Variants in THUMPD2 observed in about 807,000 individuals in gnomAD.
THUMPD2 encodes the protein THUMP domain 2 tRNA and snRNA guanosine methyltransferase.
THUMPD2 carries 56 observed loss-of-function variants against 49.4 expected under a neutral mutation model. That is an observed-to-expected ratio of 1.13 (90% CI 0.91 to 1.41). The LOEUF (loss-of-function observed/expected upper bound fraction) is 1.41, where lower values mean the gene tolerates loss of function less well. Among genes scored for constraint, THUMPD2 ranks in the 40% most tolerant of loss-of-function variants. THUMPD2 has a pLI of 0.00. For missense variants in THUMPD2, 709 were observed against 594.5 expected, an observed-to-expected ratio of 1.19 and a Z score of -2.00; for synonymous variants, 237 against 205.2, an observed-to-expected ratio of 1.15 and a Z score of -1.32.
At position 39,749,169 on chromosome 2, in the gene THUMPD2, TGCATAA is replaced by T. The variant is rs559310510; in HGVS notation, c.1079-4697_1079-4692del. ...ATGATGTTGTGGCCCACCAAAGTAA[TGCATAA>T]GCACACAGATTGGCAATGCCAAACT... On this transcript the variant is annotated intron_variant, in intron 8 of 9. Transcript: ENST00000505747. Among the ~76,000 whole-genome samples the T allele has an allele frequency of 3.7e-3, 557 of 152,206 alleles. 6 individuals are homozygous for T. Among genetic ancestry groups the T allele is most frequent in the Non-Finnish European group, 3.5e-3 (236 of 68,010 alleles).
At chr2:39,777,684 A>C (rs1679300963) in intron 1 of THUMPD2, among the ~76,000 whole-genome samples, 1 of 152,204 alleles carries the variant, frequency 6.6e-6, no homozygotes, top group African/African-American at 2.4e-5. Context: ...TCCCATTTCC[A>C]GACCTATCTA....
chr2:39,775,745 A>G (rs1679000057), intron 1 of THUMPD2, among the ~76,000 whole-genome samples: 1 of 142,588 alleles, frequency 7.0e-6, no homozygotes. Flanking sequence ...CCTGGGCGAC[A>G]GAGTAACACT....
chr2:39,741,837 C>G (rs1673932313), intron 9 of THUMPD2, among the ~76,000 whole-genome samples: 1 of 152,014 alleles, frequency 6.6e-6, no homozygotes. Context: ...TATCTAGGGC[C>G]TTAAACTATC....
Position 39,740,238 on chromosome 2 carries a change from T to G in THUMPD2, c.1188-3179A>C, listed in dbSNP as rs528559216. Among the ~76,000 whole-genome samples the G allele has an allele frequency of 2.6e-5, 4 of 152,280 alleles. No individual in the cohort carries two copies. In the South Asian group the frequency reaches 6.2e-4, roughly 24 times the overall value. On this transcript the variant is annotated intron_variant, in intron 9 of 9. Transcript: ENST00000505747. ...ATAGTTCTTTTTTAAAATAAAAAAT[T>G]GGGGATTATCTAAATATTCATCCAT...
chr2:39,760,862 A>G (rs914381950), intron 6 of THUMPD2, among the ~76,000 whole-genome samples: 10 of 152,202 alleles, frequency 6.6e-5, no homozygotes, highest in African/African-American at 2.4e-4. Context: ...AAATGCAAAA[A>G]CTTAAAAAAA....
At position 39,779,193 on chromosome 2, in the gene THUMPD2, G is replaced by A. The variant is rs1679535664; in HGVS notation, c.47C>T (p.Ala16Val). Residue 16 changes from alanine to valine, a missense_variant, in exon 1 of 10, where the codon GCC (alanine) becomes GTC (valine). Ala to Val is a moderately conservative substitution (Grantham distance 64). Coordinates refer to ENST00000505747, the MANE Select transcript of THUMPD2 (RefSeq NM_025264.5). The part of the protein sequence containing the change: ...GEPGSGPEAG[A>V]RFFCTAGRGL... Reference sequence around the variant, plus strand: ...GCGACCCGCAGTGCAGAAGAATCGGGCGCCAGCCTCAGGCCCGGACCCTGG... The same window carrying A: ...GCGACCCGCAGTGCAGAAGAATCGGACGCCAGCCTCAGGCCCGGACCCTGG... 1 of 1,518,012 alleles carries A rather than the reference G, an allele frequency of 6.6e-7. No homozygotes were observed. The allele number at this position is 1,518,012 out of a possible 1,614,324, so 94.0% of individuals were successfully genotyped here.
intron 8 of THUMPD2, among the ~76,000 whole-genome samples, chr2:39,748,245 C>T (rs1345251235): frequency 6.6e-6 from 1 of 152,282 alleles, no homozygotes; most frequent in African/African-American, 2.4e-5. Context: ...TATAGCACCA[C>T]CCTAGGACAC....
chr2:39,766,564 G>A (rs1421316214), intron 4 of THUMPD2, among the ~76,000 whole-genome samples: 1 of 152,004 alleles, frequency 6.6e-6, no homozygotes, highest in Non-Finnish European at 1.5e-5. Flanking sequence ...TGGCAGCAAG[G>A]GTGCTGTTTT....
At chr2:39,771,692 A>T (rs372034523) in intron 1 of THUMPD2, 52 bp from the exon 2 acceptor site, 211 of 1,539,714 alleles carry the variant, frequency 1.4e-4, no homozygotes, top group Non-Finnish European at 1.8e-4. Context: ...TGAAAAAACC[A>T]TATTTTTTCC....
intron 8 of THUMPD2, among the ~76,000 whole-genome samples, chr2:39,752,441 T>G (rs12712653): frequency 0.65 from 98,704 of 152,030 alleles, 32,327 homozygotes; most frequent in East Asian, 0.77. Context: ...GGGATTCACA[T>G]ATCTCAACAC....
chr2:39,777,647 T>C (rs1679296154), intron 1 of THUMPD2, among the ~76,000 whole-genome samples: 1 of 152,210 alleles, frequency 6.6e-6, no homozygotes, highest in Admixed American at 6.5e-5. Context: ...GCAACTTGGG[T>C]GGAATTTCAG....
intron 8 of THUMPD2, among the ~76,000 whole-genome samples, chr2:39,751,681 AT>A (rs11284104): frequency 0.12 from 14,344 of 119,414 alleles, 424 homozygotes; most frequent in African/African-American, 0.22. Flanking sequence ...ATATTAAAAG[AT>A]TTTTTTTTTT....
intron 6 of THUMPD2, among the ~76,000 whole-genome samples, chr2:39,756,995 G>C (rs768637176): frequency 6.6e-6 from 1 of 151,358 alleles, no homozygotes; most frequent in African/African-American, 2.4e-5. Flanking sequence ...ATACCCTTCT[G>C]GGTATGACAA....
chr2:39,760,549 C>A (rs1012853624), intron 6 of THUMPD2, among the ~76,000 whole-genome samples: 1 of 152,008 alleles, frequency 6.6e-6, no homozygotes, highest in Admixed American at 6.6e-5. Flanking sequence ...ATAATCAAGT[C>A]TATCTGTCAC....
chr2:39,748,976 T>C (rs994508230), intron 8 of THUMPD2, among the ~76,000 whole-genome samples: 2 of 151,608 alleles, frequency 1.3e-5, no homozygotes, highest in Middle Eastern at 3.4e-3. Context: ...ACAGAGCAAG[T>C]CTCTCTCTTA....
Position 39,766,109 on chromosome 2 carries a change from T to A in THUMPD2, c.751A>T (p.Ile251Phe), listed in dbSNP as rs988492273. Residue 251 changes from isoleucine (I) to phenylalanine (F), a missense_variant and splice_region_variant, in exon 5 of 10, where the codon ATC becomes TTC. Transcript: ENST00000505747. ...KADLRNPQLE[I>F]FIHLNDIYSV... ...TAAATGTCATTTAGATGTATAAAGA[T>A]CTGAAAGAACAAACACAGAAGTTAG... The A allele has an allele frequency of 1.9e-6, 3 of 1,570,050 alleles. No individual in the cohort carries two copies. Among genetic ancestry groups the A allele is most frequent in the Non-Finnish European group, 2.6e-6 (3 of 1,164,384 alleles).
chr2:39,774,646 G>T (rs745773810), intron 1 of THUMPD2, among the ~76,000 whole-genome samples: 1 of 152,056 alleles, frequency 6.6e-6, no homozygotes, highest in African/African-American at 2.4e-5. Flanking sequence ...AATGAATTTT[G>T]GTGCTTATGA....
At chr2:39,778,175 G>C (rs888285040) in intron 1 of THUMPD2, among the ~76,000 whole-genome samples, 2 of 152,168 alleles carry the variant, frequency 1.3e-5, no homozygotes, top group Non-Finnish European at 2.9e-5. Flanking sequence ...AATAAATATA[G>C]GGTAAAGATC....
chr2:39,761,307 C>T (rs1212200579), intron 6 of THUMPD2, 24 bp downstream of exon 6: 2 of 1,603,398 alleles, frequency 1.2e-6, no homozygotes, highest in Non-Finnish European at 1.7e-6. Flanking sequence ...TTGCTATTAA[C>T]AGGAAGGAAA....
Sources: gnomAD v4.1 joint callset for allele counts (sites outside exome capture counted in the v4.1 genomes callset) on GRCh38, gnomAD v4.1.1 for gene constraint, MANE v1.5 for transcripts, NCBI Gene and HGNC (gene_info 2026-07-23, HGNC 2026-07-21) for gene names.